PODNL1: variants seen among roughly 807,000 people sequenced by gnomAD.
PODNL1 encodes the protein podocan-like protein 1.
A neutral mutation model predicts 45.1 loss-of-function variants in PODNL1; 50 were observed. The observed-to-expected ratio is 1.11, with a 90% CI of 0.88 to 1.40. The LOEUF (loss-of-function observed/expected upper bound fraction) is 1.40, where lower values mean the gene tolerates loss of function less well. Ranked by LOEUF, PODNL1 falls within the 40% of genes most tolerant of loss-of-function variation. The pLI is 0.00. For missense variants in PODNL1, 788 were observed against 793.3 expected, an observed-to-expected ratio of 0.99 and a Z score of 0.08; for synonymous variants, 406 against 372.5, an observed-to-expected ratio of 1.09 and a Z score of -1.04.
chr19:13,936,137 G>A, intron 3 of PODNL1, 93 bp from the exon 4 acceptor site: 5 of 1,207,630 alleles, frequency 4.1e-6, no homozygotes, highest in Non-Finnish European at 5.9e-6. Context: ...TCTCGGCCGG[G>A]GAACTGGCAG....
At chr19:13,934,497 C>CAG in intron 5 of PODNL1, 87 bp from the exon 6 acceptor site, 2 of 1,211,008 alleles carry the variant, frequency 1.7e-6, no homozygotes, top group East Asian at 2.8e-5. Flanking sequence ...GGGTCGCCTT[C>CAG]AGTGTGTGTG....
chr19:13,943,386 T>C (rs2145455131), upstream of PODNL1, among the ~76,000 whole-genome samples: 1 of 152,300 alleles, frequency 6.6e-6, no homozygotes, highest in East Asian at 1.9e-4. Context: ...GTTTCCTGGC[T>C]TGTGGCTGCA....
upstream of PODNL1, among the ~76,000 whole-genome samples, chr19:13,942,496 T>A (rs1014047875): frequency 6.6e-6 from 1 of 152,158 alleles, no homozygotes. Flanking sequence ...AATAACCCAC[T>A]GGCCTTATCT....
chr19:13,938,831 T>C (rs72997446), upstream of PODNL1, among the ~76,000 whole-genome samples: 247 of 149,838 alleles, frequency 1.6e-3, 1 homozygote, highest in Middle Eastern at 3.4e-3. Flanking sequence ...TGGTTAAGAG[T>C]GTGAGCTTGG....
chr19:13,935,883 C>G lies in PODNL1; in HGVS notation c.385-53G>C, dbSNP rs575336476. The G allele has an allele frequency of 3.9e-6, 6 of 1,554,126 alleles. No individual in the cohort carries two copies. In the Admixed American group the frequency reaches 1.2e-4, roughly 30 times the overall value. ...TGGTCCTGGTGCGCCTTGGCCCCAC[C>G]ACTTCCCCAGCAGAGCTGTCCCCTC... On this transcript the variant is annotated intron_variant, in intron 4 of 9. Coordinates refer to ENST00000588872, the MANE Select transcript of PODNL1 (RefSeq NM_001370095.3).
rs1339380228 is a variant in PODNL1, at chr19:13,931,482, G to A, written c.*255C>T. The stretch of plus-strand genomic sequence containing the variant: ...CTGGTCCGTGCTGAGTGCTGGAAGG[G>A]TTTGGCTTTATTGTTGCTGCCTCCA... On this transcript the variant is annotated 3_prime_UTR_variant, in exon 10 of 10. Coordinates refer to ENST00000588872, the MANE Select transcript of PODNL1 (RefSeq NM_001370095.3). 3 of 389,652 alleles carry A rather than the reference G, an allele frequency of 7.7e-6. No individual in the cohort carries two copies. Among genetic ancestry groups the A allele is most frequent in the Non-Finnish European group, 1.3e-5 (3 of 222,856 alleles). The allele number at this position is 389,652 out of a possible 1,614,324, so 24.1% of individuals were successfully genotyped here. A position where few individuals can be genotyped will look rare whatever the true frequency, so the allele number is the denominator to read the frequency against.
Position 13,931,963 on chromosome 19 carries a change from C to A in PODNL1, c.1574+1G>T, listed in dbSNP as rs773085333. The A allele has an allele frequency of 8.9e-4, 1,091 of 1,232,346 alleles. 3 individuals carry two copies. The highest frequency in any genetic ancestry group is 6.4e-4 in the Non-Finnish European group (632 of 988,122). The allele number at this position is 1,232,346 out of a possible 1,614,324, so 76.3% of individuals were successfully genotyped here. A position where few individuals can be genotyped will look rare whatever the true frequency, so the allele number is the denominator to read the frequency against. ...CACCCCTCCGGTCACCCTCGGGGCA[C>A]CTGAGGAAGAGGGCACGCAGGCGGG... On this transcript the variant is annotated splice_donor_variant, in intron 9 of 9. Transcript: ENST00000588872. LOFTEE classifies it high-confidence loss of function.
In PODNL1 at chr19:13,936,398, G is replaced by A. The variant is rs776368759; in HGVS notation, c.288C>T (p.Leu96=). Reference sequence around the variant, plus strand: ...AGGAGATGAGGTTGTTGTGGAGGTTGAGGGTTCGCAGGCCACTGAGGCGGG... The same window carrying A: ...AGGAGATGAGGTTGTTGTGGAGGTTAAGGGTTCGCAGGCCACTGAGGCGGG... ...ELSRLSGLRT[L]NLHNNLISSE... is the part of the protein sequence containing the mutation. The change falls in exon 3 of 10, where the codon CTC becomes CTT. Residue 96 remains leucine, a synonymous_variant. Coordinates refer to ENST00000588872, the MANE Select transcript of PODNL1 (RefSeq NM_001370095.3). 1.1e-5 allele frequency: 17 copies of A among 1,613,466 alleles called. No homozygotes were observed. The Admixed American group carries it at 2.7e-4, about 25-fold the overall frequency.
At position 13,938,188 on chromosome 19, in the gene PODNL1, C is replaced by T. The variant is rs773621468; in HGVS notation, c.-7G>A. The T allele has an allele frequency of 1.6e-5, 26 of 1,607,918 alleles. No homozygotes were observed. Among genetic ancestry groups the T allele is most frequent in the Admixed American group, 1.5e-4 (9 of 59,536 alleles). On this transcript the variant is annotated 5_prime_UTR_variant, in exon 1 of 10. Transcript: ENST00000588872. The stretch of plus-strand genomic sequence containing the variant: ...CCGTGCCCCACCTTACCATGGCCAG[C>T]CCTGACTCTGCCATCTCGCCCAAGC...
In PODNL1 at chr19:13,935,799, G is replaced by C; in HGVS notation, c.416C>G (p.Ser139Cys). The change falls in exon 5 of 10, where the codon TCC (serine) becomes TGC (cysteine). Residue 139 changes from serine to cysteine, a missense_variant. Ser to Cys is a moderately radical substitution (Grantham distance 112, BLOSUM62 -1). Coordinates refer to ENST00000588872, the MANE Select transcript of PODNL1 (RefSeq NM_001370095.3). ...GGCAGCCAGATCCGCGACACGGAGG[G>C]ACCGGGGCAGAAACTGAGGGGCCAC... The part of the protein sequence containing the change: ...LSVAPQFLPR[S>C]LRVADLAANQ... 3.1e-6 allele frequency: 5 copies of C among 1,602,566 alleles called. No homozygotes were observed. Among genetic ancestry groups the C allele is most frequent in the Non-Finnish European group, 4.2e-6 (5 of 1,176,640 alleles).
intron 2 of PODNL1, among the ~76,000 whole-genome samples, chr19:13,936,691 TCCC>T (rs1317413166): frequency 5.2e-4 from 29 of 56,052 alleles, no homozygotes; most frequent in African/African-American, 2.1e-3. Flanking sequence ...CGACCCCAAT[TCCC>T]CCAACACCCC....
chr19:13,944,356 G>A (rs535987485), intron 1 of PODNL1, among the ~76,000 whole-genome samples: 1 of 151,226 alleles, frequency 6.6e-6, no homozygotes, highest in East Asian at 1.9e-4. Flanking sequence ...GTAGAGACAG[G>A]GTTTCACCGT....
chr19:13,933,968 C>T lies in PODNL1; in HGVS notation c.677G>A (p.Arg226Gln), dbSNP rs374514353. ...LQNNLISKVP[R>Q]GALSRQTQLR... ...TTGAGTCTGGCGGCTCAGGGCTCCT[C>T]GGGGCACCTTGGAGATGAGATTGTT... is the stretch of plus-strand genomic sequence containing the variant. Residue 226 changes from arginine to glutamine, a missense_variant, in exon 7 of 10, where the codon CGA (arginine) becomes CAA (glutamine). By Grantham distance (43) the Arg-to-Gln change is conservative. This residue lies in a region of PODNL1 where 762 missense variants were observed against 750.9 expected (regional missense o/e 1.01). Transcript: ENST00000588872. This position sits in a 1 kb window ranked among gnomAD's most constrained non-coding sequence, Gnocchi z 5.2. 28 of 1,610,260 alleles carry T rather than the reference C, an allele frequency of 1.7e-5. No homozygotes were observed. Among genetic ancestry groups the T allele is most frequent in the East Asian group, 8.9e-5 (4 of 44,808 alleles).
upstream of PODNL1, among the ~76,000 whole-genome samples, chr19:13,940,570 CAAA>C (rs759568554): frequency 2.4e-5 from 2 of 83,226 alleles, no homozygotes; most frequent in Non-Finnish European, 4.4e-5. Context: ...GACTCCGTCT[CAAA>C]AAAAAAAAAA....
Position 13,938,001 on chromosome 19 carries a change from C to T in PODNL1, c.9G>A (p.Pro3=), listed in dbSNP as rs573862960. The change falls in exon 2 of 10, where the codon CCG becomes CCA. Residue 3 remains proline, a synonymous_variant. Coordinates refer to ENST00000588872, the MANE Select transcript of PODNL1 (RefSeq NM_001370095.3). ...GCAACAGCAGGAGCAGCAGCAGGCT[C>T]GGCCACTGCGGGGGAGGGAGGGTCA... MW[P]SLLLLLLLPG... 2.8e-4 allele frequency: 426 copies of T among 1,527,242 alleles called. 2 individuals are homozygous for T. In the African/African-American group the frequency reaches 4.1e-3, roughly 15 times the overall value. 94.6% of individuals were successfully genotyped at this position (1,527,242 alleles called of 1,614,324 possible).
chr19:13,937,989 C>A lies in PODNL1; in HGVS notation c.21G>T (p.Leu7=). Residue 7 remains leucine (L), a synonymous_variant, in exon 2 of 10, where the codon CTG becomes CTT. Transcript: ENST00000588872. MWPSLL[L]LLLLPGPPPV... ...GCGGGGGCCCCGGCAACAGCAGGAG[C>A]AGCAGCAGGCTCGGCCACTGCGGGG... 1 of 1,536,446 alleles carries A rather than the reference C, an allele frequency of 6.5e-7. No individual in the cohort carries two copies.
chr19:13,942,018 C>T (rs920640020), upstream of PODNL1, among the ~76,000 whole-genome samples: 4 of 152,098 alleles, frequency 2.6e-5, no homozygotes, highest in Non-Finnish European at 5.9e-5. Context: ...GTGGAAGTTC[C>T]TCAGTCTCTT....
Position 13,932,890 on chromosome 19 carries a change from G to T in PODNL1, c.1333C>A (p.Leu445Met). ...AGGCTGAGCTCCCGCAGTTGGTCCA[G>T]GCCGGCCAGAGGCTCGGGCTCGAGC... ...RMLEPEPLAG[L>M]DQLRELSLAH... The change falls in exon 8 of 10, where the codon CTG (leucine) becomes ATG (methionine). Residue 445 changes from leucine to methionine, a missense_variant. Leu to Met is a conservative substitution (Grantham distance 15). This residue lies in a region of PODNL1 where 762 missense variants were observed against 750.9 expected (regional missense o/e 1.01). Transcript: ENST00000588872. The T allele has an allele frequency of 1.2e-6, 2 of 1,604,922 alleles. No homozygotes were observed. Among genetic ancestry groups the T allele is most frequent in the Non-Finnish European group, 1.7e-6 (2 of 1,176,450 alleles).
At chr19:13,939,153 G>C (rs575285167), upstream of PODNL1, among the ~76,000 whole-genome samples, 80 of 152,174 alleles carry the variant, frequency 5.3e-4, no homozygotes, top group Non-Finnish European at 9.8e-4. Context: ...CAGGCTGGGT[G>C]CTGGGGTTTA....
Sources: gnomAD v4.1 joint callset for allele counts (sites outside exome capture counted in the v4.1 genomes callset) on GRCh38, gnomAD v4.1.1 for gene constraint, gnomAD v4.1.1 regional missense constraint, Gnocchi (gnomAD v3.1) non-coding constraint, MANE v1.5 for transcripts, NCBI Gene and HGNC (gene_info 2026-07-23, HGNC 2026-07-21) for gene names.